FRYL: variants seen among roughly 807,000 people sequenced by gnomAD.
FRYL encodes the protein protein furry homolog-like.
In FRYL, 150 loss-of-function variants were observed where a neutral mutation model predicts 351.2. That is an observed-to-expected ratio of 0.43 (90% CI 0.37 to 0.49). The LOEUF (loss-of-function observed/expected upper bound fraction) is 0.49, where lower values mean the gene tolerates loss of function less well. Among genes scored for constraint, FRYL ranks in the 20% least tolerant of loss-of-function variants. The probability of loss-of-function intolerance (pLI) is 0.00; values close to 1 mark genes in which losing one functional copy is unlikely to be tolerated. For missense variants in FRYL, 3,036 were observed against 3,619.3 expected, an observed-to-expected ratio of 0.84 and a Z score of 4.13; for synonymous variants, 1,153 against 1,257.1, an observed-to-expected ratio of 0.92 and a Z score of 1.75.
At chr4:48,776,166 T>A (rs1176133768) in intron 1 of FRYL, among the ~76,000 whole-genome samples, 5 of 150,850 alleles carry the variant, frequency 3.3e-5, no homozygotes, top group Non-Finnish European at 7.4e-5. Flanking sequence ...TTTTTTTTTT[T>A]AAATAGAGTC....
chr4:48,767,694 T>G (rs1406317212), intron 1 of FRYL, among the ~76,000 whole-genome samples: 2 of 152,220 alleles, frequency 1.3e-5, no homozygotes, highest in Non-Finnish European at 2.9e-5. Flanking sequence ...GGTGAAACGG[T>G]ACAAACTTTC....
At chr4:48,502,967 A>C (rs1481682005) in intron 60 of FRYL, 122 bp from the exon 61 acceptor site, 1 of 663,808 alleles carries the variant, frequency 1.5e-6, no homozygotes, top group Non-Finnish European at 2.5e-6. Flanking sequence ...ACATATATTT[A>C]TACCCCAAAG....
At chr4:48,770,551 C>A (rs545877098) in intron 1 of FRYL, among the ~76,000 whole-genome samples, 2 of 152,250 alleles carry the variant, frequency 1.3e-5, no homozygotes, top group South Asian at 2.1e-4. Context: ...GATTCTCCTG[C>A]CTCAGCCTCC....
intron 3 of FRYL, among the ~76,000 whole-genome samples, chr4:48,672,188 T>A (rs1393513607): frequency 6.6e-6 from 1 of 152,220 alleles, no homozygotes; most frequent in East Asian, 1.9e-4. Flanking sequence ...ATGATTCAAA[T>A]TGATAGGTGA....
chr4:48,595,321 T>C (rs1443567031), intron 15 of FRYL, among the ~76,000 whole-genome samples: 1 of 152,178 alleles, frequency 6.6e-6, no homozygotes, highest in African/African-American at 2.4e-5. Context: ...ACTATGAAAA[T>C]AATTTTCTAA....
chr4:48,620,500 C>A, intron 6 of FRYL, 139 bp downstream of exon 6: 1 of 830,212 alleles, frequency 1.2e-6, no homozygotes, highest in Non-Finnish European at 1.9e-6. Flanking sequence ...ATCCTTCTCC[C>A]TTACTACCAT....
intron 2 of FRYL, among the ~76,000 whole-genome samples, chr4:48,692,689 C>G (rs1452551210): frequency 6.6e-6 from 1 of 152,122 alleles, no homozygotes; most frequent in Non-Finnish European, 1.5e-5. Context: ...CCGGCCTAAG[C>G]CTTAGTTTCT....
intron 53 of FRYL, among the ~76,000 whole-genome samples, chr4:48,525,196 T>TACAC (rs1553918872): frequency 5.0e-4 from 66 of 133,050 alleles, no homozygotes; most frequent in African/African-American, 1.6e-3. Flanking sequence ...TATATATATA[T>TACAC]ACACACACTT....
chr4:48,643,081 T>C (rs1755644960), intron 3 of FRYL, among the ~76,000 whole-genome samples: 1 of 152,214 alleles, frequency 6.6e-6, no homozygotes, highest in South Asian at 2.1e-4. Context: ...TGTGGCTGAC[T>C]TTTCTCCTCT....
intron 26 of FRYL, 54 bp from the exon 27 acceptor site, chr4:48,570,972 A>G: frequency 7.1e-7 from 1 of 1,399,554 alleles, no homozygotes; most frequent in Non-Finnish European, 1.0e-6. Context: ...TAACTTGGAA[A>G]GAATAATGTG....
chr4:48,569,409 T>C (rs1272149250), intron 27 of FRYL, among the ~76,000 whole-genome samples: 1 of 152,076 alleles, frequency 6.6e-6, no homozygotes, highest in East Asian at 1.9e-4. Context: ...TGGGTTTGAG[T>C]GATTCTCCTG....
intron 7 of FRYL, among the ~76,000 whole-genome samples, chr4:48,617,397 G>A (rs1472941740): frequency 6.6e-6 from 1 of 150,384 alleles, no homozygotes; most frequent in Non-Finnish European, 1.5e-5. Context: ...CACCCAGGCT[G>A]GAGTACAGTG....
chr4:48,700,631 A>AT (rs1244038947), intron 2 of FRYL, among the ~76,000 whole-genome samples: 1 of 151,190 alleles, frequency 6.6e-6, no homozygotes, highest in Non-Finnish European at 1.5e-5. Flanking sequence ...GTAAGACCCC[A>AT]TCTCTAAAAA....
chr4:48,587,846 T>C (rs549862774), intron 18 of FRYL, among the ~76,000 whole-genome samples: 4 of 152,066 alleles, frequency 2.6e-5, no homozygotes, highest in Non-Finnish European at 5.9e-5. Context: ...CGCCTGGCCT[T>C]GGGTATTTGT....
At chr4:48,573,891 C>T (rs1218308756) in intron 25 of FRYL, among the ~76,000 whole-genome samples, 2 of 152,010 alleles carry the variant, frequency 1.3e-5, no homozygotes, top group African/African-American at 4.8e-5. Flanking sequence ...ATTTTATATG[C>T]CAATAATTAA....
chr4:48,525,296 C>A (rs1054745472), intron 53 of FRYL, among the ~76,000 whole-genome samples: 2 of 151,616 alleles, frequency 1.3e-5, no homozygotes, highest in Non-Finnish European at 2.9e-5. Flanking sequence ...AATACCTGTT[C>A]TTGAGTTCCT....
intron 44 of FRYL, among the ~76,000 whole-genome samples, chr4:48,542,606 A>G (rs533892823): frequency 2.6e-5 from 4 of 152,238 alleles, no homozygotes; most frequent in East Asian, 3.9e-4. Flanking sequence ...TAGTAGAGAC[A>G]GATTTCGCCA....
In FRYL at chr4:48,498,863, A is replaced by G. The variant is rs116705760; in HGVS notation, c.*559T>C. On this transcript the variant is annotated 3_prime_UTR_variant, in exon 64 of 64. Transcript: ENST00000358350. ...TTCCTTATACAGACCAAAAAACAAA[A>G]AAACCCAAACCCTTATCCCACATAC... The G allele has an allele frequency of 2.5e-3, 392 of 156,452 alleles. No individual in the cohort carries two copies. Among genetic ancestry groups the G allele is most frequent in the Non-Finnish European group, 4.1e-3 (292 of 70,484 alleles). 9.7% of individuals were successfully genotyped at this position (156,452 alleles called of 1,614,324 possible). A position where few individuals can be genotyped will look rare whatever the true frequency, so the allele number is the denominator to read the frequency against.
intron 1 of FRYL, among the ~76,000 whole-genome samples, chr4:48,767,221 C>T (rs1488622409): frequency 1.3e-5 from 2 of 151,914 alleles, no homozygotes; most frequent in African/African-American, 2.4e-5. Flanking sequence ...AGAGGAAGCA[C>T]GCACCGCCTT....
Sources: gnomAD v4.1 joint callset for allele counts (sites outside exome capture counted in the v4.1 genomes callset) on GRCh38, gnomAD v4.1.1 for gene constraint, MANE v1.5 for transcripts, NCBI Gene and HGNC (gene_info 2026-07-23, HGNC 2026-07-21) for gene names.